PRAG1: variants seen among roughly 807,000 people sequenced by gnomAD.
The protein encoded by PRAG1 is PEAK1 related, kinase-activating pseudokinase 1, also known as inactive tyrosine-protein kinase PRAG1.
In PRAG1, 110 loss-of-function variants were observed where a neutral mutation model predicts 95.6. The observed-to-expected ratio is 1.15, with a 90% CI of 0.99 to 1.35. PRAG1 has a LOEUF of 1.35. Among genes scored for constraint, PRAG1 ranks in the 40% most tolerant of loss-of-function variants. The pLI is 0.00. For missense variants in PRAG1, 2,554 were observed against 1,864.7 expected (o/e 1.37, Z -6.81); for synonymous variants, 1,052 against 819.4 (o/e 1.28, Z -4.85).
chr8:8,385,829 G>C (rs1433953436), intron 1 of PRAG1, among the ~76,000 whole-genome samples: 1 of 152,008 alleles, frequency 6.6e-6, no homozygotes, highest in East Asian at 1.9e-4. Context: ...CGGGGAAAAG[G>C]GCATCATCTC....
chr8:8,318,662 C>G lies in PRAG1; in HGVS notation c.3713G>C (p.Arg1238Pro). 4.3e-6 allele frequency: 7 copies of G among 1,611,736 alleles called. No individual in the cohort carries two copies. The highest frequency in any genetic ancestry group is 5.9e-6 in the Non-Finnish European group (7 of 1,179,762). Residue 1238 changes from arginine to proline, a missense_variant, in exon 6 of 6, where the codon CGG (arginine) becomes CCG (proline). Physicochemically the swap from Arg to Pro is moderately radical, Grantham distance 103. Coordinates refer to ENST00000615670, the MANE Select transcript of PRAG1 (RefSeq NM_001080826.3). The surrounding 1 kb of genome is among the most constrained non-coding windows in gnomAD (Gnocchi z 4.2). ...PNLQQKKSQA[R>P]LAPEIVSASQ... ...AGCAGACACGATCTCGGGGGCCAGC[C>G]GGGCCTGGCTCTTCTTCTGCTGCAG...
At chr8:8,352,884 T>C (rs987113377) in intron 3 of PRAG1, among the ~76,000 whole-genome samples, 1 of 152,086 alleles carries the variant, frequency 6.6e-6, no homozygotes, top group Admixed American at 6.5e-5. Flanking sequence ...AGATATTCCA[T>C]GCAAATAATA....
In PRAG1 at chr8:8,377,841, T is replaced by C; in HGVS notation, c.568A>G (p.Lys190Glu). The C allele has an allele frequency of 6.2e-7, 1 of 1,614,118 alleles. No individual in the cohort carries two copies. Among genetic ancestry groups the C allele is most frequent in the Non-Finnish European group, 8.5e-7 (1 of 1,180,038 alleles). Residue 190 changes from lysine to glutamate, a missense_variant, in exon 3 of 6, where the codon AAA becomes GAA. By Grantham distance (56) the Lys-to-Glu change is moderately conservative. Coordinates refer to ENST00000615670, the MANE Select transcript of PRAG1 (RefSeq NM_001080826.3). ...TGGTAAGGAAATGAGGGTTTTTCTT[T>C]GTGCACAGCCTTCTCCTCCGGGAAG... Reference protein sequence around the residue: ...VSFPEEKAVHKEKPSFPYQDR... With the variant: ...VSFPEEKAVHEEKPSFPYQDR...
At position 8,328,334 on chromosome 8, in the gene PRAG1, G is replaced by C. The variant is rs373620049; in HGVS notation, c.2448C>G (p.Pro816=). Residue 816 remains proline, a synonymous_variant, in exon 5 of 6, where the codon CCC becomes CCG. Transcript: ENST00000615670. ...PSGPQQPPPL[P]QKKIVSRAAS... Reference sequence around the variant, plus strand: ...CTGCCCGGCTCACTATCTTTTTCTGGGGGAGTGGAGGGGGCTGCTGGGGGC... The same window carrying C: ...CTGCCCGGCTCACTATCTTTTTCTGCGGGAGTGGAGGGGGCTGCTGGGGGC... 1.4e-5 allele frequency: 23 copies of C among 1,613,672 alleles called. No individual in the cohort carries two copies. In the African/African-American group the frequency reaches 2.4e-4, roughly 17 times the overall value.
intron 4 of PRAG1, among the ~76,000 whole-genome samples, chr8:8,330,890 C>T (rs1798797816): frequency 6.6e-6 from 1 of 152,166 alleles, no homozygotes; most frequent in Admixed American, 6.5e-5. Flanking sequence ...GGTAAGACCA[C>T]CTACTTATGA....
At chr8:8,349,708 G>A (rs902100875) in intron 3 of PRAG1, among the ~76,000 whole-genome samples, 6 of 152,080 alleles carry the variant, frequency 3.9e-5, no homozygotes, top group Non-Finnish European at 7.4e-5. Flanking sequence ...TTTTCCACCC[G>A]CTGATTTATT....
At chr8:8,338,809 A>T (rs927736448) in intron 4 of PRAG1, among the ~76,000 whole-genome samples, 1 of 152,232 alleles carries the variant, frequency 6.6e-6, no homozygotes, top group Admixed American at 6.5e-5. Context: ...CAACATGCTA[A>T]CGCAAGTCTA....
intron 3 of PRAG1, among the ~76,000 whole-genome samples, chr8:8,359,490 T>A (rs974032656): frequency 3.9e-5 from 6 of 152,112 alleles, no homozygotes; most frequent in Non-Finnish European, 8.8e-5. Flanking sequence ...ACAGGATGAG[T>A]CGTCTAGACT....
At position 8,377,891 on chromosome 8, in the gene PRAG1, C is replaced by G. The variant is rs765456369; in HGVS notation, c.518G>C (p.Arg173Thr). The G allele has an allele frequency of 1.9e-6, 3 of 1,614,124 alleles. No homozygotes were observed. Among genetic ancestry groups the G allele is most frequent in the East Asian group, 2.2e-5 (1 of 44,856 alleles). The change falls in exon 3 of 6, where the codon AGG becomes ACG. Residue 173 changes from arginine (R) to threonine (T), a missense_variant. Coordinates refer to ENST00000615670, the MANE Select transcript of PRAG1 (RefSeq NM_001080826.3). ...GLHNLEPRGE[R>T]NIAFHPVSFP... ...GCTCACCGGGTGGAAGGCAATGTTC[C>G]TCTCGCCGCGGGGCTCAAGGTTGTG...
chr8:8,361,123 C>T (rs557795893), intron 3 of PRAG1, among the ~76,000 whole-genome samples: 59 of 152,288 alleles, frequency 3.9e-4, no homozygotes, highest in Non-Finnish European at 6.6e-4. Context: ...CTTTTTCAGA[C>T]TTCGGACCTC....
intron 5 of PRAG1, among the ~76,000 whole-genome samples, chr8:8,321,188 G>A (rs143178009): frequency 3.9e-5 from 6 of 152,156 alleles, no homozygotes; most frequent in Non-Finnish European, 4.4e-5. Flanking sequence ...AGGTTTAAGC[G>A]ATCCTCCCAC....
intron 5 of PRAG1, among the ~76,000 whole-genome samples, chr8:8,322,209 GTC>G (rs1798492989): frequency 6.6e-6 from 1 of 151,998 alleles, no homozygotes; most frequent in Non-Finnish European, 1.5e-5. Flanking sequence ...TTGAGATGGA[GTC>G]TCTCTGTCGC....
intron 3 of PRAG1, among the ~76,000 whole-genome samples, chr8:8,354,283 C>T (rs1027256885): frequency 2.6e-5 from 4 of 151,938 alleles, no homozygotes; most frequent in East Asian, 1.9e-4. Context: ...TAATTAAAAA[C>T]GTTCCAACGA....
chr8:8,366,173 C>G (rs1176131280), intron 3 of PRAG1, among the ~76,000 whole-genome samples: 4 of 152,238 alleles, frequency 2.6e-5, no homozygotes, highest in Middle Eastern at 3.4e-3. Context: ...ATGGGACGTT[C>G]ATAATCACTC....
chr8:8,358,324 C>A (rs1172715509), intron 3 of PRAG1, among the ~76,000 whole-genome samples: 1 of 152,206 alleles, frequency 6.6e-6, no homozygotes, highest in Non-Finnish European at 1.5e-5. Flanking sequence ...CCCAGAGGTT[C>A]TGCTATTCAG....
At chr8:8,381,030 G>A (rs1479042578) in intron 2 of PRAG1, among the ~76,000 whole-genome samples, 1 of 152,112 alleles carries the variant, frequency 6.6e-6, no homozygotes, top group Non-Finnish European at 1.5e-5. Context: ...GTCAGGAGTT[G>A]ATGGTTGCTG....
intron 3 of PRAG1, 120 bp downstream of exon 3, chr8:8,376,127 C>G: frequency 7.3e-7 from 1 of 1,371,526 alleles, no homozygotes; most frequent in South Asian, 1.4e-5. Context: ...TACATAAAGG[C>G]ACAAGGGCCT....
chr8:8,318,753 G>A lies in PRAG1; in HGVS notation c.3622C>T (p.Gln1208Ter), dbSNP rs1217610931. The change falls in exon 6 of 6, where the codon CAG becomes TAG. Residue 1208 changes from glutamine to a stop codon, truncating the protein, a stop_gained. Coordinates refer to ENST00000615670, the MANE Select transcript of PRAG1 (RefSeq NM_001080826.3). LOFTEE classifies it high-confidence loss of function. This position sits in a 1 kb window ranked among gnomAD's most constrained non-coding sequence, Gnocchi z 4.2. ...PASPEGPREK[Q>*]LPRLIISNFL... Reference sequence around the variant, plus strand: ...TTGCTGATGATGAGCCGGGGCAGCTGCTTCTCCCGGGGCCCTTCCGGGGAG... The same window carrying A: ...TTGCTGATGATGAGCCGGGGCAGCTACTTCTCCCGGGGCCCTTCCGGGGAG... The A allele has an allele frequency of 2.5e-6, 4 of 1,594,204 alleles. No homozygotes were observed. The highest frequency in any genetic ancestry group is 1.7e-5 in the Admixed American group (1 of 58,540).
At chr8:8,376,169 C>A in intron 3 of PRAG1, 78 bp downstream of exon 3, 1 of 1,527,016 alleles carries the variant, frequency 6.5e-7, no homozygotes, top group Admixed American at 2.1e-5. Context: ...GGCCTGAAAG[C>A]TTTGATGAGG....
Sources: gnomAD v4.1 joint callset for allele counts (sites outside exome capture counted in the v4.1 genomes callset) on GRCh38, gnomAD v4.1.1 for gene constraint, Gnocchi (gnomAD v3.1) non-coding constraint, MANE v1.5 for transcripts, NCBI Gene and HGNC (gene_info 2026-07-23, HGNC 2026-07-21) for gene names.